Variants in GATA4 observed in about 807,000 individuals in gnomAD.
The protein encoded by GATA4 is transcription factor GATA-4.
GATA4 carries 7 observed loss-of-function variants against 37.9 expected under a neutral mutation model. The ratio of observed to expected loss-of-function variants is 0.18; its 90% CI spans 0.11 to 0.35. The LOEUF (loss-of-function observed/expected upper bound fraction) is 0.35. Ranked by LOEUF, GATA4 falls within the 10% of genes least tolerant of loss-of-function variation. The pLI is 1.00. For missense variants in GATA4, 647 were observed against 653.0 expected, an observed-to-expected ratio of 0.99 and a Z score of 0.10; for synonymous variants, 372 against 292.6, an observed-to-expected ratio of 1.27 and a Z score of -2.77.
chr8:11,750,343 A>C, intron 4 of GATA4, 107 bp downstream of exon 4: 2 of 1,480,660 alleles, frequency 1.4e-6, no homozygotes, highest in Non-Finnish European at 1.8e-6. Flanking sequence ...CTTCTTAACA[A>C]AGAGACTTAG....
intron 2 of GATA4, among the ~76,000 whole-genome samples, chr8:11,748,491 C>G (rs913477627): frequency 1.3e-5 from 2 of 152,140 alleles, no homozygotes; most frequent in African/African-American, 4.8e-5. Context: ...TATTTTGGCA[C>G]TAATTTTCCT....
chr8:11,730,599 G>T (rs1173043843), intron 2 of GATA4, among the ~76,000 whole-genome samples: 4 of 152,212 alleles, frequency 2.6e-5, no homozygotes, highest in Non-Finnish European at 5.9e-5. Flanking sequence ...GAGGAGGATG[G>T]CTCCTGGGTG....
intron 2 of GATA4, among the ~76,000 whole-genome samples, chr8:11,735,280 G>A (rs1306580213): frequency 2.6e-5 from 4 of 152,190 alleles, no homozygotes; most frequent in Non-Finnish European, 4.4e-5. Context: ...CAATGCTTAT[G>A]TTCTTCAGAG....
chr8:11,698,032 T>C lies in GATA4; in HGVS notation c.-728-2476T>C, dbSNP rs139979978. The C allele has an allele frequency of 7.8e-4, 765 of 984,630 alleles. 8 individuals carry two copies. In the African/African-American group the frequency reaches 0.013, roughly 16 times the overall value. The allele number at this position is 984,630 out of a possible 1,614,324, so 61.0% of individuals were successfully genotyped here. ...GGCAAGAGGAGCCCTGGACTCTGGGTTGACCTCGTCCCGGTCGGGTTCTCT... is the reference window on the plus strand; with the variant it reads ...GGCAAGAGGAGCCCTGGACTCTGGGCTGACCTCGTCCCGGTCGGGTTCTCT... On this transcript the variant is annotated intron_variant, in intron 1 of 2. Coordinates refer to the GATA4 transcript ENST00000526974.
intron 1 of GATA4, among the ~76,000 whole-genome samples, chr8:11,681,745 C>T (rs1798980531): frequency 6.6e-6 from 1 of 152,104 alleles, no homozygotes; most frequent in Non-Finnish European, 1.5e-5. Flanking sequence ...AAATTCTCCC[C>T]GCTTACTTTG....
intron 2 of GATA4, among the ~76,000 whole-genome samples, chr8:11,714,252 A>G (rs1800331268): frequency 6.6e-6 from 1 of 152,284 alleles, no homozygotes; most frequent in African/African-American, 2.4e-5. Context: ...AAAAATAACA[A>G]CACAATGAAA....
At chr8:11,685,971 A>G (rs916310739) in intron 1 of GATA4, among the ~76,000 whole-genome samples, 7 of 152,246 alleles carry the variant, frequency 4.6e-5, no homozygotes, top group African/African-American at 1.7e-4. Flanking sequence ...TTTGAAGGCA[A>G]GAGAGCCAAA....
Position 11,683,045 on chromosome 8 carries a change from A to G in GATA4, c.-274+5982A>G, listed in dbSNP as rs571681406. The G allele has an allele frequency of 3.7e-5, 36 of 985,272 alleles. No homozygotes were observed. In the African/African-American group the frequency reaches 5.2e-4, roughly 14 times the overall value. The allele number at this position is 985,272 out of a possible 1,614,324, so 61.0% of individuals were successfully genotyped here. On this transcript the variant is annotated intron_variant, in intron 1 of 6. Coordinates refer to the GATA4 transcript ENST00000528712. The stretch of plus-strand genomic sequence containing the variant: ...AGCCTCGGTGCGCGGGGGTTTCTCG[A>G]CAGCTCTCTGGTGTCTCTTACCCCC...
intron 2 of GATA4, among the ~76,000 whole-genome samples, chr8:11,743,062 C>T (rs561182727): frequency 1.3e-5 from 2 of 152,250 alleles, no homozygotes; most frequent in Non-Finnish European, 2.9e-5. Context: ...CCAGCTGCCC[C>T]GGGCACGGGC....
intron 1 of GATA4, among the ~76,000 whole-genome samples, chr8:11,682,200 T>G (rs1798994925): frequency 6.6e-6 from 1 of 152,232 alleles, no homozygotes; most frequent in South Asian, 2.1e-4. Context: ...ATGCAGAATT[T>G]CTTAAATGTA....
At position 11,708,352 on chromosome 8, in the gene GATA4, C is replaced by T. The variant is rs1291319592; in HGVS notation, c.40C>T (p.Pro14Ser). ...SLAMAANHGP[P>S]PGAYEAGGPG... ...GGCCATGGCCGCCAACCACGGGCCG[C>T]CCCCCGGTGCCTACGAGGCGGGCGG... is the stretch of plus-strand genomic sequence containing the variant. Residue 14 changes from proline to serine, a missense_variant, in exon 2 of 7, where the codon CCC becomes TCC. Pro to Ser is a moderately conservative substitution (Grantham distance 74). This residue lies in a region of GATA4 where 379 missense variants were observed against 334.5 expected (regional missense o/e 1.13). Coordinates refer to ENST00000532059, the MANE Select transcript of GATA4 (RefSeq NM_001308093.3). The surrounding 1 kb of genome is among the most constrained non-coding windows in gnomAD (Gnocchi z 6.7). 5.1e-6 allele frequency: 8 copies of T among 1,581,832 alleles called. No individual in the cohort carries two copies. The highest frequency in any genetic ancestry group is 4.5e-5 in the East Asian group (2 of 44,270).
intron 2 of GATA4, among the ~76,000 whole-genome samples, chr8:11,717,381 A>G (rs771395346): frequency 7.2e-5 from 11 of 152,192 alleles, no homozygotes; most frequent in Non-Finnish European, 1.0e-4. Context: ...GATCCCTGTC[A>G]ATGAAGAAAT....
At chr8:11,701,875 A>C, upstream of GATA4, among the ~76,000 whole-genome samples, 1 of 144,000 alleles carries the variant, frequency 6.9e-6, no homozygotes. Flanking sequence ...GGGAGGTGGT[A>C]GGGGTGGCCC....
In GATA4 at chr8:11,758,444, C is replaced by G. The variant is rs1338045470; in HGVS notation, c.1301C>G (p.Ala434Gly). 6 of 1,614,208 alleles carry G rather than the reference C, an allele frequency of 3.7e-6. No homozygotes were observed. In the East Asian group the frequency reaches 1.3e-4, roughly 36 times the overall value. ...GACTCTTGGAACAGCCTGGTCTTGGCCGACAGTCACGGGGACATAATCACT... is the reference window on the plus strand; with the variant it reads ...GACTCTTGGAACAGCCTGGTCTTGGGCGACAGTCACGGGGACATAATCACT... ...KQDSWNSLVLADSHGDIITA is the reference protein window; with the variant it reads ...KQDSWNSLVLGDSHGDIITA The change falls in exon 7 of 7, where the codon GCC (alanine) becomes GGC (glycine). Residue 434 changes from alanine to glycine, a missense_variant. Coordinates refer to ENST00000532059, the MANE Select transcript of GATA4 (RefSeq NM_001308093.3).
rs1392845420 is a variant in GATA4, at chr8:11,679,452, C to T, written c.-274+2389C>T. Among the ~76,000 whole-genome samples the T allele has an allele frequency of 2.0e-5, 3 of 152,190 alleles. No individual in the cohort carries two copies. The East Asian group carries it at 5.8e-4, about 29-fold the overall frequency. ...CCGAAGCCGATCTAAGGTCAATAAA[C>T]CAGGCGGCGTCAGGCTTGGGCCGAG... On this transcript the variant is annotated intron_variant, in intron 1 of 6. Coordinates refer to the GATA4 transcript ENST00000528712.
chr8:11,726,942 C>T (rs1800955034), intron 2 of GATA4, among the ~76,000 whole-genome samples: 1 of 152,144 alleles, frequency 6.6e-6, no homozygotes, highest in South Asian at 2.1e-4. Flanking sequence ...CTAGTTTGTC[C>T]TTTCCCATCT....
intron 1 of GATA4, chr8:11,681,110 G>T: frequency 1.0e-6 from 1 of 982,386 alleles, no homozygotes. Context: ...AGGCTCGCAG[G>T]GTTCGTGGTC....
chr8:11,754,368 C>G (rs541781149), intron 4 of GATA4, among the ~76,000 whole-genome samples: 9 of 152,268 alleles, frequency 5.9e-5, no homozygotes, highest in Non-Finnish European at 1.3e-4. Flanking sequence ...AGGCATGCAG[C>G]ACCGTGCCCA....
rs1799920848 is a variant in GATA4 at position 11,707,098 on chromosome 8, A to G, written c.-457-758A>G. On this transcript the variant is annotated intron_variant, in intron 1 of 6. Transcript: ENST00000532059. The surrounding 1 kb of genome is among the most constrained non-coding windows in gnomAD (Gnocchi z 4.7). ...CCCATTCAGTGAATTAGAATGGTCC[A>G]GTGGGTTATTCTGTAGAGCGGCATT... Among the ~76,000 whole-genome samples the G allele has an allele frequency of 6.6e-6, 1 of 152,208 alleles. No individual in the cohort carries two copies. Among genetic ancestry groups the G allele is most frequent in the Non-Finnish European group, 1.5e-5 (1 of 68,044 alleles).
Sources: gnomAD v4.1 joint callset for allele counts (sites outside exome capture counted in the v4.1 genomes callset) on GRCh38, gnomAD v4.1.1 for gene constraint, gnomAD v4.1.1 regional missense constraint, Gnocchi (gnomAD v3.1) non-coding constraint, MANE v1.5 for transcripts, NCBI Gene and HGNC (gene_info 2026-07-23, HGNC 2026-07-21) for gene names.